Variants in OPCML observed in about 807,000 individuals in gnomAD.
OPCML encodes the protein opioid binding protein/cell adhesion molecule like.
In OPCML, 13 loss-of-function variants were observed where a neutral mutation model predicts 37.8. The observed-to-expected ratio is 0.34, with a 90% CI of 0.22 to 0.55. OPCML has a LOEUF of 0.55. Among genes scored for constraint, OPCML ranks in the 20% least tolerant of loss-of-function variants. The pLI is 0.91. For missense variants in OPCML, 341 were observed against 435.6 expected (o/e 0.78, Z 1.93); for synonymous variants, 176 against 168.8 (o/e 1.04, Z -0.33).
intron 1 of OPCML, among the ~76,000 whole-genome samples, chr11:133,346,653 C>A (rs75678803): frequency 1.0e-3 from 159 of 152,218 alleles, no homozygotes; most frequent in African/African-American, 3.7e-3. Context: ...TTCAAGTAAG[C>A]TTTAAAGAAA....
intron 1 of OPCML, among the ~76,000 whole-genome samples, chr11:133,176,925 T>C (rs1937609879): frequency 6.6e-6 from 1 of 152,176 alleles, no homozygotes; most frequent in Admixed American, 6.5e-5. Flanking sequence ...AGCAGAGCTG[T>C]GTAGCACCCT....
At chr11:133,337,468 A>G (rs1188144014) in intron 1 of OPCML, among the ~76,000 whole-genome samples, 1 of 152,196 alleles carries the variant, frequency 6.6e-6, no homozygotes, top group Non-Finnish European at 1.5e-5. Flanking sequence ...CAGTAACAAC[A>G]GAGACTGCAA....
chr11:132,792,575 C>A (rs1005755149), intron 2 of OPCML, among the ~76,000 whole-genome samples: 5 of 152,276 alleles, frequency 3.3e-5, no homozygotes, highest in African/African-American at 1.2e-4. Context: ...TTTTGCTGCG[C>A]CATTTCCATA....
intron 1 of OPCML, among the ~76,000 whole-genome samples, chr11:133,293,404 G>A (rs2136544216): frequency 6.6e-6 from 1 of 152,302 alleles, no homozygotes; most frequent in South Asian, 2.1e-4. Flanking sequence ...TGAGCCCTGA[G>A]GAAATGTGAA....
intron 2 of OPCML, among the ~76,000 whole-genome samples, chr11:132,673,247 C>G (rs1391636099): frequency 6.6e-6 from 1 of 152,006 alleles, no homozygotes; most frequent in Admixed American, 6.5e-5. Flanking sequence ...GGGTGAAGAT[C>G]AGAGGTGATG....
At chr11:132,422,672 C>T (rs1200063835) in intron 7 of OPCML, among the ~76,000 whole-genome samples, 1 of 152,196 alleles carries the variant, frequency 6.6e-6, no homozygotes, top group Non-Finnish European at 1.5e-5. Context: ...ACTGTCATTC[C>T]CACTTTGTAA....
intron 1 of OPCML, among the ~76,000 whole-genome samples, chr11:133,056,361 C>G (rs978574001): frequency 2.0e-5 from 3 of 152,262 alleles, no homozygotes; most frequent in Non-Finnish European, 2.9e-5. Flanking sequence ...TGAATCCATA[C>G]CTGCTTAGAG....
rs911771078 is a variant in OPCML at position 132,415,914 on chromosome 11, A to C, written c.*4279T>G. 6.6e-6 allele frequency: 1 copy of C among 152,596 alleles called. No homozygotes were observed. Among genetic ancestry groups the C allele is most frequent in the Non-Finnish European group, 1.5e-5 (1 of 68,036 alleles). 9.5% of individuals were successfully genotyped at this position (152,596 alleles called of 1,614,324 possible). Reference sequence around the variant, plus strand: ...GTGGTGATCATTAGGCGTTCTCATCATATGGTCTCTTTTTGAAAATGTTGC... The same window carrying C: ...GTGGTGATCATTAGGCGTTCTCATCCTATGGTCTCTTTTTGAAAATGTTGC... On this transcript the variant is annotated 3_prime_UTR_variant, in exon 8 of 8. Transcript: ENST00000524381.
chr11:132,474,259 T>C (rs1425227017), intron 4 of OPCML, among the ~76,000 whole-genome samples: 2 of 149,622 alleles, frequency 1.3e-5, no homozygotes, highest in African/African-American at 2.4e-5. Context: ...CCAGGTCAAT[T>C]CCTTGGCCCA....
chr11:132,478,170 C>T (rs78385741), intron 4 of OPCML, among the ~76,000 whole-genome samples: 228 of 152,236 alleles, frequency 1.5e-3, no homozygotes, highest in African/African-American at 5.3e-3. Context: ...ATAAATTTGG[C>T]TGTATTCAAA....
At chr11:133,003,868 C>A in intron 1 of OPCML, 1 of 985,358 alleles carries the variant, frequency 1.0e-6, no homozygotes, top group Non-Finnish European at 1.2e-6. Context: ...CACCGTGTGC[C>A]CTCGACCCCT....
At chr11:133,505,347 C>T (rs1451496545) in intron 1 of OPCML, among the ~76,000 whole-genome samples, 4 of 152,168 alleles carry the variant, frequency 2.6e-5, no homozygotes, top group Non-Finnish European at 2.9e-5. Context: ...AAAAGGTGAG[C>T]CTGGCTACCA....
At chr11:133,490,385 T>C (rs1947629054) in intron 1 of OPCML, among the ~76,000 whole-genome samples, 1 of 152,214 alleles carries the variant, frequency 6.6e-6, no homozygotes, top group Non-Finnish European at 1.5e-5. Context: ...GAACATTGTA[T>C]ATTCCTAATT....
chr11:133,238,099 T>C (rs1332567970), intron 1 of OPCML, among the ~76,000 whole-genome samples: 3 of 152,204 alleles, frequency 2.0e-5, no homozygotes, highest in Admixed American at 2.0e-4. Context: ...ATGCAAGTAG[T>C]ATTTCTGAAT....
chr11:132,937,701 C>A (rs1015798043), intron 2 of OPCML, among the ~76,000 whole-genome samples: 32 of 151,680 alleles, frequency 2.1e-4, no homozygotes, highest in African/African-American at 7.8e-4. Context: ...TCAAGCCAGC[C>A]TTGCTCTCCC....
intron 1 of OPCML, among the ~76,000 whole-genome samples, chr11:133,018,842 G>A (rs528986885): frequency 1.1e-4 from 16 of 152,202 alleles, no homozygotes; most frequent in Non-Finnish European, 1.8e-4. Flanking sequence ...CAGCTGATGC[G>A]GCTTCACCAG....
intron 1 of OPCML, chr11:133,065,081 C>T (rs1019698393): frequency 4.6e-5 from 7 of 152,102 alleles, no homozygotes; most frequent in African/African-American, 9.7e-5. Flanking sequence ...GCAGAGGAAA[C>T]GGTTCAGTCT....
At chr11:133,072,676 T>G (rs1465345085) in intron 1 of OPCML, among the ~76,000 whole-genome samples, 2 of 152,192 alleles carry the variant, frequency 1.3e-5, no homozygotes, top group Non-Finnish European at 2.9e-5. Flanking sequence ...GGAGTTCGGT[T>G]GACTATGAGT....
intron 4 of OPCML, among the ~76,000 whole-genome samples, chr11:132,508,503 C>T (rs1223796900): frequency 2.0e-5 from 3 of 152,082 alleles, no homozygotes; most frequent in African/African-American, 7.2e-5. Flanking sequence ...GTCACACACA[C>T]ACACTCTGTT....
Sources: gnomAD v4.1 joint callset for allele counts (sites outside exome capture counted in the v4.1 genomes callset) on GRCh38, gnomAD v4.1.1 for gene constraint, MANE v1.5 for transcripts, NCBI Gene and HGNC (gene_info 2026-07-23, HGNC 2026-07-21) for gene names.